NIN: variants seen among roughly 807,000 people sequenced by gnomAD.
The protein encoded by NIN is glycogen synthase kinase 3 beta-interacting protein.
In NIN, 137 loss-of-function variants were observed where a neutral mutation model predicts 257.6. The ratio of observed to expected loss-of-function variants is 0.53; its 90% CI spans 0.46 to 0.61. NIN has a LOEUF of 0.61. Ranked by LOEUF, NIN falls within the 20% of genes least tolerant of loss-of-function variation. The pLI is 0.00. For synonymous variants in NIN, 918 were observed against 919.8 expected (o/e 1.00, Z 0.04); for missense variants, 2,439 against 2,501.2 (o/e 0.98, Z 0.53).
At chr14:50,736,612 A>G (rs1191617483) in intron 27 of NIN, among the ~76,000 whole-genome samples, 1 of 152,198 alleles carries the variant, frequency 6.6e-6, no homozygotes, top group Non-Finnish European at 1.5e-5. Flanking sequence ...TTCCAGGTCC[A>G]TTTTAAACTT....
Position 50,796,941 on chromosome 14 carries a change from C to T in NIN, c.266-4060G>A, listed in dbSNP as rs2043866402. ...AGCTCTCCTAAAACCACTGCATGAA[C>T]AGCCAAAGCCAAAGCAATGAGGACC... is the stretch of plus-strand genomic sequence containing the variant. On this transcript the variant is annotated intron_variant, in intron 4 of 30. Transcript: ENST00000530997. Among the ~76,000 whole-genome samples the T allele has an allele frequency of 3.3e-5, 5 of 152,234 alleles. No individual in the cohort carries two copies. In the South Asian group the frequency reaches 1.0e-3, roughly 32 times the overall value.
At chr14:50,723,969 G>T in intron 30 of NIN, 1 of 306,986 alleles carries the variant, frequency 3.3e-6, no homozygotes, top group Non-Finnish European at 6.0e-6. Flanking sequence ...CATTATTTCT[G>T]TATTTATTCT....
intron 5 of NIN, among the ~76,000 whole-genome samples, chr14:50,780,007 A>G (rs1355933613): frequency 9.9e-5 from 15 of 152,204 alleles, no homozygotes; most frequent in Admixed American, 8.5e-4. Flanking sequence ...GTCACAGCAT[A>G]CAGTTGTAAT....
intron 22 of NIN, among the ~76,000 whole-genome samples, chr14:50,747,759 T>A (rs1165346478): frequency 6.8e-6 from 1 of 146,132 alleles, no homozygotes; most frequent in Non-Finnish European, 1.5e-5. Flanking sequence ...AAGGGGGGGA[T>A]TTTAGAGTGT....
intron 10 of NIN, 113 bp downstream of exon 10, chr14:50,771,216 TAGA>T: frequency 1.5e-6 from 2 of 1,295,052 alleles, no homozygotes; most frequent in Non-Finnish European, 2.1e-6. Flanking sequence ...AGCAGTTGGA[TAGA>T]AGATGAGCAA....
At position 50,763,713 on chromosome 14, in the gene NIN, C is replaced by CT. The variant is rs5808571; in HGVS notation, c.1774+112dup. 348 of 675,718 alleles carry CT rather than the reference C, an allele frequency of 5.2e-4. No homozygotes were observed. The African/African-American group carries it at 5.9e-3, about 11-fold the overall frequency. 41.9% of individuals were successfully genotyped at this position (675,718 alleles called of 1,614,324 possible). A position where few individuals can be genotyped will look rare whatever the true frequency, so the allele number is the denominator to read the frequency against. On this transcript the variant is annotated intron_variant, in intron 15 of 30. Transcript: ENST00000530997. ...CTCAAGAAAAGAGTATGGCCAAATT[C>CT]TTTTTTTTTTTTTTCTTTTTTCAAG...
chr14:50,777,710 A>G (rs766200420), intron 6 of NIN, among the ~76,000 whole-genome samples: 1 of 152,214 alleles, frequency 6.6e-6, no homozygotes, highest in Non-Finnish European at 1.5e-5. Flanking sequence ...GTTGCAAGCT[A>G]TAAGTTCCCA....
rs568414647 is a variant in NIN at position 50,788,995 on chromosome 14, C to T, written c.435+3717G>A. 6.6e-4 allele frequency among the ~76,000 whole-genome samples: 100 copies of T among 152,178 alleles called. 3 individuals carry two copies. In the South Asian group the frequency reaches 0.02, roughly 31 times the overall value. On this transcript the variant is annotated intron_variant, in intron 5 of 30. Transcript: ENST00000530997. ...TCTGAGAGCAGGGGAAACTGAAGTC[C>T]AAAAAGGTGAGCTGAGAATCCCTCC...
chr14:50,744,303 G>A lies in NIN; in HGVS notation c.5127C>T (p.Asn1709=), dbSNP rs771610715. 43 of 1,613,854 alleles carry A rather than the reference G, an allele frequency of 2.7e-5. No homozygotes were observed. Among genetic ancestry groups the A allele is most frequent in the African/African-American group, 1.2e-4 (9 of 74,918 alleles). The change falls in exon 23 of 31, where the codon AAC becomes AAT. Residue 1709 remains asparagine (N), a synonymous_variant. Transcript: ENST00000530997. Reference sequence around the variant, plus strand: ...CTTCCTTTTCTTTCAGCAGTTTTTCGTTGTAGCTTAGAACACTAGAGATTT... The same window carrying A: ...CTTCCTTTTCTTTCAGCAGTTTTTCATTGTAGCTTAGAACACTAGAGATTT... The part of the protein sequence containing the change: ...QQKISSVLSY[N]EKLLKEKEAL...
chr14:50,799,104 G>A (rs1170569890), intron 4 of NIN, among the ~76,000 whole-genome samples: 1 of 152,144 alleles, frequency 6.6e-6, no homozygotes, highest in African/African-American at 2.4e-5. Context: ...CATTTTACAC[G>A]TTAGGATTAC....
intron 2 of NIN, among the ~76,000 whole-genome samples, chr14:50,828,623 A>G (rs1010024938): frequency 6.6e-6 from 1 of 152,370 alleles, no homozygotes; most frequent in African/African-American, 2.4e-5. Flanking sequence ...TGCTCTGGCT[A>G]AGCTTGCCCA....
In NIN at chr14:50,806,734, T is replaced by C; in HGVS notation, c.265+3A>G. 1 of 1,545,728 alleles carries C rather than the reference T, an allele frequency of 6.5e-7. No homozygotes were observed. On this transcript the variant is annotated splice_donor_region_variant and intron_variant, in intron 4 of 30. Transcript: ENST00000530997. ...GGCAGAGAAGAGAAGTGAGTGACCT[T>C]ACCTGGTTCTTGAAAGTGTTCTTCA...
At chr14:50,781,359 G>A (rs1047496645) in intron 5 of NIN, among the ~76,000 whole-genome samples, 2 of 152,130 alleles carry the variant, frequency 1.3e-5, no homozygotes, top group African/African-American at 4.8e-5. Context: ...GGAATATACA[G>A]CTGTAAAAAT....
intron 12 of NIN, 60 bp downstream of exon 12, chr14:50,770,328 T>C: frequency 2.0e-6 from 3 of 1,530,962 alleles, no homozygotes; most frequent in Non-Finnish European, 2.7e-6. Context: ...TCCAAAGCTG[T>C]AGTTTTCCAC....
Position 50,763,844 on chromosome 14 carries a change from C to T in NIN, c.1756G>A (p.Gly586Ser), listed in dbSNP as rs1466280243. 2.5e-6 allele frequency: 4 copies of T among 1,613,850 alleles called. No individual in the cohort carries two copies. In the Admixed American group the frequency reaches 6.7e-5, roughly 27 times the overall value. The change falls in exon 15 of 31, where the codon GGC (glycine) becomes AGC (serine). Residue 586 changes from glycine (G) to serine (S), a missense_variant. Coordinates refer to ENST00000530997, the MANE Select transcript of NIN (RefSeq NM_020921.4). ...PSEEVEANSG[G>S]IEPEHGLGSE... is the part of the protein sequence containing the mutation. The stretch of plus-strand genomic sequence containing the variant: ...TGTTTACCGTGTTCGGGCTCAATGC[C>T]ACCGCTGTTAGCCTCAACTTCTTCT...
intron 14 of NIN, 70 bp downstream of exon 14, chr14:50,766,237 T>C (rs535211511): frequency 6.4e-5 from 74 of 1,154,600 alleles, no homozygotes; most frequent in Middle Eastern, 2.0e-4. Context: ...GTCACAGAGC[T>C]AGGGAACGGG....
At chr14:50,747,551 T>C (rs2041602148) in intron 22 of NIN, among the ~76,000 whole-genome samples, 1 of 151,994 alleles carries the variant, frequency 6.6e-6, no homozygotes, top group Admixed American at 6.6e-5. Context: ...CTGGCCAACA[T>C]GGCAAAACCC....
At chr14:50,823,229 C>T (rs1199483700) in intron 2 of NIN, 2 of 575,146 alleles carry the variant, frequency 3.5e-6, no homozygotes, top group South Asian at 1.4e-5. Flanking sequence ...GAAACCTGCA[C>T]ATCTGAAGAT....
At chr14:50,815,659 G>A (rs1398341490) in intron 3 of NIN, among the ~76,000 whole-genome samples, 1 of 152,182 alleles carries the variant, frequency 6.6e-6, no homozygotes, top group Non-Finnish European at 1.5e-5. Context: ...ATCAATGATA[G>A]ACTGGATAAA....
Sources: gnomAD v4.1 joint callset for allele counts (sites outside exome capture counted in the v4.1 genomes callset) on GRCh38, gnomAD v4.1.1 for gene constraint, MANE v1.5 for transcripts, NCBI Gene and HGNC (gene_info 2026-07-23, HGNC 2026-07-21) for gene names.